The following MAP2K5 variants were observed in gnomAD, a reference collection of about 807,000 sequenced individuals.
The protein encoded by MAP2K5 is dual specificity mitogen-activated protein kinase kinase 5.
A neutral mutation model predicts 83.1 loss-of-function variants in MAP2K5; 49 were observed. The ratio of observed to expected loss-of-function variants is 0.59; its 90% CI spans 0.47 to 0.75. The LOEUF is 0.75. MAP2K5 is among the 30% of genes least tolerant of loss of function. The pLI, the probability that MAP2K5 is intolerant of heterozygous loss-of-function variation, is 0.00. For synonymous variants in MAP2K5, 202 were observed against 191.8 expected (o/e 1.05, Z -0.44); for missense variants, 457 against 557.5 (o/e 0.82, Z 1.82).
intron 17 of MAP2K5, among the ~76,000 whole-genome samples, chr15:67,728,799 C>T (rs9302245): frequency 0.37 from 56,553 of 152,092 alleles, 12,032 homozygotes; most frequent in Non-Finnish European, 0.5. Flanking sequence ...CTAATTTATG[C>T]ATGGTTAGAT....
chr15:67,772,098 C>T (rs143964797), intron 20 of MAP2K5, among the ~76,000 whole-genome samples: 3 of 152,304 alleles, frequency 2.0e-5, no homozygotes, highest in African/African-American at 7.2e-5. Flanking sequence ...TTTAGCTGTC[C>T]CACAGCGGTT....
rs1341210270 is a variant in MAP2K5 at position 67,778,814 on chromosome 15, C to T, written c.1242+6062C>T. Among the ~76,000 whole-genome samples the T allele has an allele frequency of 6.6e-6, 1 of 152,136 alleles. No homozygotes were observed. The highest frequency in any genetic ancestry group is 1.5e-5 in the Non-Finnish European group (1 of 68,030). Reference sequence around the variant, plus strand: ...ATCCGGGGCTTACCTGTGCCCTGAGCGCAAATATGAAGAAAGGTGCATTTC... The same window carrying T: ...ATCCGGGGCTTACCTGTGCCCTGAGTGCAAATATGAAGAAAGGTGCATTTC... On this transcript the variant is annotated intron_variant, in intron 21 of 21. Coordinates refer to ENST00000178640, the MANE Select transcript of MAP2K5 (RefSeq NM_145160.3). This position sits in a 1 kb window ranked among gnomAD's most constrained non-coding sequence, Gnocchi z 5.0.
At chr15:67,642,878 C>T (rs2086744278) in intron 9 of MAP2K5, among the ~76,000 whole-genome samples, 1 of 152,108 alleles carries the variant, frequency 6.6e-6, no homozygotes, top group Admixed American at 6.6e-5. Flanking sequence ...GGGTGGCTAG[C>T]AATGTGGAAT....
At chr15:67,548,100 C>T (rs2084433274) in intron 1 of MAP2K5, among the ~76,000 whole-genome samples, 2 of 152,182 alleles carry the variant, frequency 1.3e-5, no homozygotes, top group Non-Finnish European at 2.9e-5. Flanking sequence ...CATGCCATTG[C>T]CACTGAGCAG....
intron 19 of MAP2K5, among the ~76,000 whole-genome samples, chr15:67,752,571 G>A (rs1369567917): frequency 1.3e-5 from 2 of 151,542 alleles, no homozygotes; most frequent in Non-Finnish European, 2.9e-5. Context: ...CCCACTATTC[G>A]GGAGGCTGAG....
intron 13 of MAP2K5, among the ~76,000 whole-genome samples, chr15:67,684,876 T>G (rs1596790922): frequency 6.6e-6 from 1 of 152,186 alleles, no homozygotes; most frequent in East Asian, 1.9e-4. Flanking sequence ...AGGTTAAAGA[T>G]CTGGAAATTA....
chr15:67,794,450 A>G lies in MAP2K5; in HGVS notation c.1243-12196A>G, dbSNP rs2090570076. On this transcript the variant is annotated intron_variant, in intron 21 of 21. Transcript: ENST00000178640. This position sits in a 1 kb window ranked among gnomAD's most constrained non-coding sequence, Gnocchi z 4.6. Reference sequence around the variant, plus strand: ...GAGGGGTCTGTTTCAGATGGAAAACATTGGTCGCTAATAGCAGAAACTTGA... The same window carrying G: ...GAGGGGTCTGTTTCAGATGGAAAACGTTGGTCGCTAATAGCAGAAACTTGA... Among the ~76,000 whole-genome samples, 1 of 152,102 alleles carries G rather than the reference A, an allele frequency of 6.6e-6. No individual in the cohort carries two copies. Among genetic ancestry groups the G allele is most frequent in the Non-Finnish European group, 1.5e-5 (1 of 68,010 alleles).
chr15:67,625,716 G>A (rs1456675010), intron 8 of MAP2K5, among the ~76,000 whole-genome samples: 1 of 152,186 alleles, frequency 6.6e-6, no homozygotes, highest in African/African-American at 2.4e-5. Context: ...ATGATTAAAT[G>A]TTAAATTGGT....
intron 4 of MAP2K5, 159 bp from the exon 5 acceptor site, chr15:67,585,731 C>A: frequency 1.6e-6 from 1 of 614,722 alleles, no homozygotes; most frequent in South Asian, 2.0e-5. Flanking sequence ...AAGTTAAAAC[C>A]CTGGTTCATA....
rs190490263 is a variant in MAP2K5 at position 67,610,999 on chromosome 15, T to C, written c.545+10250T>C. 1.1e-4 allele frequency among the ~76,000 whole-genome samples: 16 copies of C among 152,324 alleles called. No individual in the cohort carries two copies. In the East Asian group the frequency reaches 3.1e-3, roughly 29 times the overall value. On this transcript the variant is annotated intron_variant, in intron 8 of 21. Coordinates refer to ENST00000178640, the MANE Select transcript of MAP2K5 (RefSeq NM_145160.3). Reference sequence around the variant, plus strand: ...AAAATGTTCACACAAAATTAGAACTTGCTTTAGGGCACAATCAATATAGCA... The same window carrying C: ...AAAATGTTCACACAAAATTAGAACTCGCTTTAGGGCACAATCAATATAGCA...
Position 67,786,233 on chromosome 15 carries a change from C to T in MAP2K5, c.1242+13481C>T, listed in dbSNP as rs748532348. ...GACTTAGAATAAATTATATGTATGTCGGATGTTTGCAATTGGTGTACACTG... is the reference window on the plus strand; with the variant it reads ...GACTTAGAATAAATTATATGTATGTTGGATGTTTGCAATTGGTGTACACTG... On this transcript the variant is annotated intron_variant, in intron 21 of 21. Transcript: ENST00000178640. The surrounding 1 kb of genome is among the most constrained non-coding windows in gnomAD (Gnocchi z 4.7). Among the ~76,000 whole-genome samples, 1 of 151,290 alleles carries T rather than the reference C, an allele frequency of 6.6e-6. No individual in the cohort carries two copies. The highest frequency in any genetic ancestry group is 1.9e-4 in the East Asian group (1 of 5,158).
At chr15:67,788,044 G>C (rs1048385246) in intron 21 of MAP2K5, among the ~76,000 whole-genome samples, 3 of 152,244 alleles carry the variant, frequency 2.0e-5, no homozygotes, top group Non-Finnish European at 4.4e-5. Context: ...TGTGGAGACT[G>C]TTCTGGATAC....
chr15:67,773,543 T>A (rs1391738267), intron 21 of MAP2K5, among the ~76,000 whole-genome samples: 1 of 152,248 alleles, frequency 6.6e-6, no homozygotes, highest in Non-Finnish European at 1.5e-5. Context: ...GATACCAGTT[T>A]AGAGGTTTTC....
chr15:67,645,793 C>A (rs2086819170), intron 9 of MAP2K5, among the ~76,000 whole-genome samples: 1 of 151,634 alleles, frequency 6.6e-6, no homozygotes, highest in Non-Finnish European at 1.5e-5. Flanking sequence ...CCTTCAGGTA[C>A]CCTTCCACCT....
chr15:67,705,874 G>A (rs1339459044), intron 16 of MAP2K5, among the ~76,000 whole-genome samples: 3 of 152,202 alleles, frequency 2.0e-5, no homozygotes, highest in Admixed American at 6.5e-5. Context: ...CACTCTCAGC[G>A]TATTTAAGGA....
chr15:67,805,304 C>T (rs186787785), intron 21 of MAP2K5, among the ~76,000 whole-genome samples: 11 of 152,242 alleles, frequency 7.2e-5, no homozygotes, highest in African/African-American at 2.2e-4. Flanking sequence ...ATGAGGCGGC[C>T]TGAGCATTCT....
chr15:67,657,596 T>C, intron 11 of MAP2K5, among the ~76,000 whole-genome samples: 1 of 151,898 alleles, frequency 6.6e-6, no homozygotes, highest in East Asian at 1.9e-4. Context: ...AGCCAAAGTG[T>C]AATGTTTAGT....
chr15:67,699,875 T>G (rs1173292114), intron 15 of MAP2K5, among the ~76,000 whole-genome samples: 4 of 151,774 alleles, frequency 2.6e-5, no homozygotes, highest in Admixed American at 6.6e-5. Context: ...AAGAGAGAAT[T>G]GGTGAACTGG....
intron 4 of MAP2K5, among the ~76,000 whole-genome samples, chr15:67,582,891 A>T (rs576400943): frequency 2.0e-4 from 30 of 151,928 alleles, no homozygotes; most frequent in African/African-American, 4.6e-4. Context: ...TCTCTAAAAA[A>T]TTTTTTTTAG....
Sources: gnomAD v4.1 joint callset for allele counts (sites outside exome capture counted in the v4.1 genomes callset) on GRCh38, gnomAD v4.1.1 for gene constraint, Gnocchi (gnomAD v3.1) non-coding constraint, MANE v1.5 for transcripts, NCBI Gene and HGNC (gene_info 2026-07-23, HGNC 2026-07-21) for gene names.